Variants in ANKRD2 observed in about 807,000 individuals in gnomAD.
The protein encoded by ANKRD2 is ankyrin repeat domain 2.
ANKRD2 carries 35 observed loss-of-function variants against 37.3 expected under a neutral mutation model. The observed-to-expected ratio is 0.94, with a 90% CI of 0.72 to 1.24. The LOEUF (loss-of-function observed/expected upper bound fraction) is 1.24. Ranked by LOEUF, ANKRD2 falls within the 50% of genes most tolerant of loss-of-function variation. The pLI is 0.00. For synonymous variants in ANKRD2, 159 were observed against 186.5 expected, an observed-to-expected ratio of 0.85 and a Z score of 1.20; for missense variants, 410 against 445.6, an observed-to-expected ratio of 0.92 and a Z score of 0.72.
chr10:97,582,657 C>G lies in ANKRD2; in HGVS notation c.807C>G (p.Ile269Met), dbSNP rs1438520137. 7 of 1,614,042 alleles carry G rather than the reference C, an allele frequency of 4.3e-6. No individual in the cohort carries two copies. The South Asian group carries it at 7.7e-5, about 18-fold the overall frequency. ...DAVRLNRYKIIKLLLLHGADM... is the reference protein window; with the variant it reads ...DAVRLNRYKIMKLLLLHGADM... ...TGAGGCTCAACCGCTACAAAATCAT[C>G]AAACTGCTGCTCCTGCATGGGGCTG... The change falls in exon 8 of 9, where the codon ATC (isoleucine) becomes ATG (methionine). Residue 269 changes from isoleucine to methionine, a missense_variant. Coordinates refer to ENST00000370655, the MANE Select transcript of ANKRD2 (RefSeq NM_001346793.2).
chr10:97,574,706 G>A (rs2040802082), intron 1 of ANKRD2, among the ~76,000 whole-genome samples: 1 of 152,132 alleles, frequency 6.6e-6, no homozygotes, highest in African/African-American at 2.4e-5. Context: ...TGAGGGGTGA[G>A]GAGGAAGGAA....
At chr10:97,573,847 G>C (rs1432933218) in intron 1 of ANKRD2, among the ~76,000 whole-genome samples, 1 of 152,184 alleles carries the variant, frequency 6.6e-6, no homozygotes, top group African/African-American at 2.4e-5. Context: ...ACCAACCCAG[G>C]ATTCATTTTA....
intron 1 of ANKRD2, among the ~76,000 whole-genome samples, chr10:97,575,847 G>A (rs1391992180): frequency 6.6e-6 from 1 of 151,170 alleles, no homozygotes; most frequent in East Asian, 1.9e-4. Flanking sequence ...GGAAGTGGAG[G>A]TTACAGCAAG....
Position 97,582,629 on chromosome 10 carries a change from C to T in ANKRD2, c.779C>T (p.Ala260Val). 6.2e-7 allele frequency: 1 copy of T among 1,614,174 alleles called. No homozygotes were observed. Residue 260 changes from alanine to valine, a missense_variant, in exon 8 of 9, where the codon GCT becomes GTT. Physicochemically the swap from Ala to Val is moderately conservative, Grantham distance 64. Transcript: ENST00000370655. ...GAAGGGGATACTGCCCTGCATGACG[C>T]TGTGAGGCTCAACCGCTACAAAATC... is the stretch of plus-strand genomic sequence containing the variant. ...DREGDTALHD[A>V]VRLNRYKIIK...
chr10:97,581,197 C>A, intron 5 of ANKRD2, 119 bp from the exon 6 acceptor site: 1 of 1,059,562 alleles, frequency 9.4e-7, no homozygotes, highest in Non-Finnish European at 1.4e-6. Flanking sequence ...TGCCCATGCC[C>A]AGGCCTGCTC....
chr10:97,583,733 C>T lies in ANKRD2; in HGVS notation c.*8C>T. On this transcript the variant is annotated 3_prime_UTR_variant, in exon 9 of 9. Transcript: ENST00000370655. ...CCTGTGCCAGCCCAGTGAATGCGTG[C>T]CCCAGCCCAGCCAGCTACCCAGCCC... 6.6e-7 allele frequency: 1 copy of T among 1,506,952 alleles called. No homozygotes were observed. Among genetic ancestry groups the T allele is most frequent in the Non-Finnish European group, 8.9e-7 (1 of 1,129,406 alleles). 93.3% of individuals were successfully genotyped at this position (1,506,952 alleles called of 1,614,324 possible).
At position 97,578,344 on chromosome 10, in the gene ANKRD2, G is replaced by A; in HGVS notation, c.294G>A (p.Lys98=). 6.2e-7 allele frequency: 1 copy of A among 1,613,626 alleles called. No individual in the cohort carries two copies. Among genetic ancestry groups the A allele is most frequent in the Non-Finnish European group, 8.5e-7 (1 of 1,179,924 alleles). The change falls in exon 3 of 9, where the codon AAG becomes AAA. Residue 98 remains lysine (K), a synonymous_variant. Transcript: ENST00000370655. ...AGCTGCGGAAGAAACGCAAGCAGAA[G>A]AAGCGGGACGCTCTGGCCGCCTCGC... ...LIELRKKRKQ[K]KRDALAASHE...
chr10:97,582,788 C>A, intron 8 of ANKRD2, 86 bp downstream of exon 8: 1 of 1,223,804 alleles, frequency 8.2e-7, no homozygotes, highest in South Asian at 1.2e-5. Flanking sequence ...GCAGCCCCCG[C>A]CTAGGGACAT....
At chr10:97,580,699 A>C (rs112927354) in intron 4 of ANKRD2, among the ~76,000 whole-genome samples, 156 bp from the exon 5 acceptor site, 107 of 152,268 alleles carry the variant, frequency 7.0e-4, no homozygotes, top group African/African-American at 2.4e-3. Context: ...GCTGGTCTGG[A>C]TAGAGCATAA....
chr10:97,576,888 G>A (rs944314954), intron 1 of ANKRD2, among the ~76,000 whole-genome samples: 1 of 151,876 alleles, frequency 6.6e-6, no homozygotes. Flanking sequence ...GTAGGGATGG[G>A]GTTTCACCAT....
At chr10:97,582,846 C>T in intron 8 of ANKRD2, 144 bp downstream of exon 8, 1 of 683,194 alleles carries the variant, frequency 1.5e-6, no homozygotes, top group Non-Finnish European at 2.6e-6. Context: ...TTGTCCTCTT[C>T]CAGAGCACCA....
At position 97,581,433 on chromosome 10, in the gene ANKRD2, G is replaced by A; in HGVS notation, c.654+19G>A. 6.2e-7 allele frequency: 1 copy of A among 1,612,788 alleles called. No homozygotes were observed. On this transcript the variant is annotated intron_variant, in intron 6 of 8. Coordinates refer to ENST00000370655, the MANE Select transcript of ANKRD2 (RefSeq NM_001346793.2). ...GGATAAGGTGAGGCAAAAACACTCA[G>A]AAGCAACAGATATTGGGGTGGCTGT... is the stretch of plus-strand genomic sequence containing the variant.
At chr10:97,576,847 C>A (rs1186162366) in intron 1 of ANKRD2, among the ~76,000 whole-genome samples, 2 of 151,886 alleles carry the variant, frequency 1.3e-5, no homozygotes, top group African/African-American at 4.8e-5. Context: ...CAGGTGCGTG[C>A]CAACACGCCT....
At chr10:97,583,150 A>G (rs2040924713) in intron 8 of ANKRD2, among the ~76,000 whole-genome samples, 1 of 152,178 alleles carries the variant, frequency 6.6e-6, no homozygotes, top group South Asian at 2.1e-4. Context: ...AACACCTTGG[A>G]CTAGGGAACA....
upstream of ANKRD2, chr10:97,572,594 G>GT: frequency 7.5e-7 from 1 of 1,331,632 alleles, no homozygotes; most frequent in Non-Finnish European, 1.0e-6. Context: ...TAGGCCAGGA[G>GT]TTGGGGGGGC....
Position 97,582,593 on chromosome 10 carries a change from A to G in ANKRD2, c.754-11A>G. 1.9e-6 allele frequency: 3 copies of G among 1,613,398 alleles called. No individual in the cohort carries two copies. Among genetic ancestry groups the G allele is most frequent in the Non-Finnish European group, 2.5e-6 (3 of 1,179,462 alleles). On this transcript the variant is annotated splice_polypyrimidine_tract_variant and intron_variant, in intron 7 of 8. Coordinates refer to ENST00000370655, the MANE Select transcript of ANKRD2 (RefSeq NM_001346793.2). ...CCACAAGGGCCATAGTGAGTGCCAC[A>G]CTGACTCTAGGAAGGGGATACTGCC...
At position 97,580,835 on chromosome 10, in the gene ANKRD2, G is replaced by T. The variant is rs1206309776; in HGVS notation, c.457-20G>T. The stretch of plus-strand genomic sequence containing the variant: ...GGCCTGGAGCCAGAGGCCAGGCCCT[G>T]ACAGCCTCTCTGGGGACAGTTCCGT... On this transcript the variant is annotated intron_variant, in intron 4 of 8. Coordinates refer to ENST00000370655, the MANE Select transcript of ANKRD2 (RefSeq NM_001346793.2). The T allele has an allele frequency of 3.1e-6, 5 of 1,597,984 alleles. No homozygotes were observed. The highest frequency in any genetic ancestry group is 3.4e-6 in the Non-Finnish European group (4 of 1,170,906).
Position 97,581,221 on chromosome 10 carries a change from C to T in ANKRD2, c.556-95C>T, listed in dbSNP as rs185509540. ...CCAGGCCTGCTCCCTGTACCTTTCC[C>T]CTAGATATCCCTCTGCCTTCCTGGC... On this transcript the variant is annotated intron_variant, in intron 5 of 8. Coordinates refer to ENST00000370655, the MANE Select transcript of ANKRD2 (RefSeq NM_001346793.2). 2.9e-3 allele frequency: 3,807 copies of T among 1,294,252 alleles called. 9 individuals carry two copies. The highest frequency in any genetic ancestry group is 0.012 in the Middle Eastern group (64 of 5,336). The allele number at this position is 1,294,252 out of a possible 1,614,324, so 80.2% of individuals were successfully genotyped here.
At position 97,578,240 on chromosome 10, in the gene ANKRD2, G is replaced by T; in HGVS notation, c.190G>T (p.Gly64Cys). 4.4e-6 allele frequency: 7 copies of T among 1,598,258 alleles called. No individual in the cohort carries two copies. Among genetic ancestry groups the T allele is most frequent in the Non-Finnish European group, 6.0e-6 (7 of 1,171,208 alleles). The change falls in exon 3 of 9, where the codon GGC becomes TGC. Residue 64 changes from glycine to cysteine, a missense_variant and splice_region_variant. By Grantham distance (159) the Gly-to-Cys change is radical. Coordinates refer to ENST00000370655, the MANE Select transcript of ANKRD2 (RefSeq NM_001346793.2). Reference protein sequence around the residue: ...AQSAALQKVKGQERVRKTSLD... With the variant: ...AQSAALQKVKCQERVRKTSLD... ...GGGGTTGATGGGCCATCCCGCGCAG[G>T]GCCAAGAGCGCGTGCGCAAGACGTC...
Sources: allele counts gnomAD v4.1 joint callset (sites outside exome capture counted in the v4.1 genomes callset), GRCh38; gene constraint gnomAD v4.1.1; transcripts MANE v1.5; gene names NCBI Gene and HGNC (gene_info 2026-07-23, HGNC 2026-07-21).